ARFIP1: variants seen among roughly 807,000 people sequenced by gnomAD.
ARFIP1 encodes arfaptin-1.
A neutral mutation model predicts 42.5 loss-of-function variants in ARFIP1; 24 were observed. The ratio of observed to expected loss-of-function variants is 0.57; its 90% CI spans 0.41 to 0.80. The LOEUF is 0.80. Among genes scored for constraint, ARFIP1 ranks in the 30% least tolerant of loss-of-function variants. The probability of loss-of-function intolerance (pLI) is 0.00; values close to 1 mark genes in which losing one functional copy is unlikely to be tolerated. For missense variants in ARFIP1, 354 were observed against 434.0 expected (o/e 0.82, Z 1.64); for synonymous variants, 141 against 153.7 (o/e 0.92, Z 0.61).
intron 1 of ARFIP1, among the ~76,000 whole-genome samples, chr4:152,793,628 A>G (rs1731262835): frequency 6.6e-6 from 1 of 152,154 alleles, no homozygotes; most frequent in South Asian, 2.1e-4. Context: ...AATAAAATAG[A>G]ACAATTATAA....
At chr4:152,814,097 C>CTTCT (rs1561116468) in intron 1 of ARFIP1, among the ~76,000 whole-genome samples, 1 of 110,882 alleles carries the variant, frequency 9.0e-6, no homozygotes, top group African/African-American at 3.3e-5. Flanking sequence ...TCTTCTTCTT[C>CTTCT]TTTTTTTTTT....
At chr4:152,833,341 T>C in intron 2 of ARFIP1, among the ~76,000 whole-genome samples, 1 of 151,986 alleles carries the variant, frequency 6.6e-6, no homozygotes, top group East Asian at 1.9e-4. Context: ...CAGTGAGATA[T>C]CAGTTCATAC....
At position 152,882,769 on chromosome 4, in the gene ARFIP1, A is replaced by C; in HGVS notation, c.680A>C (p.Asn227Thr). 6.2e-7 allele frequency: 1 copy of C among 1,613,550 alleles called. No individual in the cohort carries two copies. Among genetic ancestry groups the C allele is most frequent in the Non-Finnish European group, 8.5e-7 (1 of 1,179,642 alleles). The change falls in exon 7 of 9, where the codon AAT becomes ACT. Residue 227 changes from asparagine (N) to threonine (T), a missense_variant. By Grantham distance (65) the Asn-to-Thr change is moderately conservative (BLOSUM62 0). Coordinates refer to ENST00000353617, the MANE Select transcript of ARFIP1 (RefSeq NM_001025595.3). ...GATACCCAGAAACTGCTGGCTAAAA[A>C]TGGAGAGACTCTTCTTGGGGCCATT... is the stretch of plus-strand genomic sequence containing the variant. ...NADTQKLLAK[N>T]GETLLGAINF...
At chr4:152,786,518 C>T (rs558129859) in intron 1 of ARFIP1, among the ~76,000 whole-genome samples, 1 of 152,288 alleles carries the variant, frequency 6.6e-6, no homozygotes, top group South Asian at 2.1e-4. Context: ...TTGAATTTTT[C>T]TATTTCTTCC....
intron 1 of ARFIP1, among the ~76,000 whole-genome samples, chr4:152,792,015 A>G (rs1382494034): frequency 1.3e-5 from 2 of 152,196 alleles, no homozygotes; most frequent in Non-Finnish European, 2.9e-5. Flanking sequence ...AAAGATGGGC[A>G]TATTCCAGTA....
Position 152,849,510 on chromosome 4 carries a change from C to T in ARFIP1, c.94-14096C>T, listed in dbSNP as rs142475906. Among the ~76,000 whole-genome samples the T allele has an allele frequency of 5.1e-3, 780 of 152,224 alleles. 13 individuals carry two copies. The highest frequency in any genetic ancestry group is 0.025 in the Admixed American group (383 of 15,278). On this transcript the variant is annotated intron_variant, in intron 2 of 8. Coordinates refer to ENST00000353617, the MANE Select transcript of ARFIP1 (RefSeq NM_001025595.3). Reference sequence around the variant, plus strand: ...AGTATTTCTTTGATGCAAGTTGGTACATGATTCAAGCTTTTGAACTACTTA... The same window carrying T: ...AGTATTTCTTTGATGCAAGTTGGTATATGATTCAAGCTTTTGAACTACTTA...
intron 1 of ARFIP1, among the ~76,000 whole-genome samples, chr4:152,805,465 C>T (rs1404290924): frequency 6.6e-6 from 1 of 152,202 alleles, no homozygotes; most frequent in African/African-American, 2.4e-5. Flanking sequence ...GTTTGCACTG[C>T]CAATACCTGT....
chr4:152,866,361 C>G (rs1734339893), intron 3 of ARFIP1, among the ~76,000 whole-genome samples: 1 of 152,262 alleles, frequency 6.6e-6, no homozygotes, highest in African/African-American at 2.4e-5. Context: ...GTCATCATGG[C>G]CCGTTCCCAG....
intron 2 of ARFIP1, among the ~76,000 whole-genome samples, chr4:152,840,054 G>T (rs1486273774): frequency 6.6e-6 from 1 of 152,188 alleles, no homozygotes; most frequent in Non-Finnish European, 1.5e-5. Context: ...TATTTGCATG[G>T]TATCAAAGGT....
Position 152,793,007 on chromosome 4 carries a change from A to G in ARFIP1, c.-10+12781A>G, listed in dbSNP as rs1037004970. On this transcript the variant is annotated intron_variant, in intron 1 of 8. Transcript: ENST00000353617. ...ACTTAATGACATTTTGGCCTCCAAT[A>G]TAACTGGTTTGTGAGGGCTGAACAT... Among the ~76,000 whole-genome samples, 9 of 152,122 alleles carry G rather than the reference A, an allele frequency of 5.9e-5. No homozygotes were observed. The South Asian group carries it at 1.9e-3, about 31-fold the overall frequency.
intron 1 of ARFIP1, among the ~76,000 whole-genome samples, chr4:152,821,631 A>C (rs898695653): frequency 1.3e-5 from 2 of 152,194 alleles, no homozygotes; most frequent in African/African-American, 4.8e-5. Context: ...CAAATAAAAG[A>C]AGCTTAAAGA....
intron 1 of ARFIP1, chr4:152,796,862 A>T: frequency 2.0e-6 from 1 of 506,864 alleles, no homozygotes; most frequent in Non-Finnish European, 3.5e-6. Flanking sequence ...ACCCAGAAGC[A>T]GCCCTTGGGG....
Position 152,910,793 on chromosome 4 carries a change from G to A in ARFIP1, c.*574G>A, listed in dbSNP as rs1396472798. ...CAAATACCTTTTTAAAAATGAATCTGTACCACTGTAATTTTATTTAGACTT... is the reference window on the plus strand; with the variant it reads ...CAAATACCTTTTTAAAAATGAATCTATACCACTGTAATTTTATTTAGACTT... On this transcript the variant is annotated 3_prime_UTR_variant, in exon 9 of 9. Transcript: ENST00000353617. 2.0e-5 allele frequency: 3 copies of A among 152,304 alleles called. No individual in the cohort carries two copies. The highest frequency in any genetic ancestry group is 1.9e-4 in the East Asian group (1 of 5,188). 9.4% of individuals were successfully genotyped at this position (152,304 alleles called of 1,614,324 possible).
At chr4:152,802,991 A>C (rs1363295151) in intron 1 of ARFIP1, among the ~76,000 whole-genome samples, 3 of 152,212 alleles carry the variant, frequency 2.0e-5, no homozygotes, top group African/African-American at 7.2e-5. Flanking sequence ...TTGGGCAGCT[A>C]CAGAAAAGGC....
chr4:152,829,436 A>G (rs982221190), intron 1 of ARFIP1, among the ~76,000 whole-genome samples, 189 bp from the exon 2 acceptor site: 4 of 152,194 alleles, frequency 2.6e-5, no homozygotes, highest in Admixed American at 2.0e-4. Flanking sequence ...TAAGAAGTTT[A>G]GGTTAAGTGA....
intron 3 of ARFIP1, among the ~76,000 whole-genome samples, chr4:152,864,012 T>G (rs1018925486): frequency 1.3e-5 from 2 of 152,206 alleles, no homozygotes; most frequent in Admixed American, 6.5e-5. Context: ...TTTTAACTTG[T>G]AACCATGAAA....
intron 2 of ARFIP1, among the ~76,000 whole-genome samples, chr4:152,832,007 A>G (rs1731283553): frequency 6.7e-6 from 1 of 149,812 alleles, no homozygotes; most frequent in South Asian, 2.2e-4. Flanking sequence ...CACAGTTTGT[A>G]TATCCATTCT....
At chr4:152,806,691 A>G (rs532028523) in intron 1 of ARFIP1, among the ~76,000 whole-genome samples, 5 of 152,062 alleles carry the variant, frequency 3.3e-5, no homozygotes, top group African/African-American at 7.2e-5. Context: ...TCTTCCCTAC[A>G]TTACTTGTCT....
Position 152,888,229 on chromosome 4 carries a change from C to T in ARFIP1, c.888C>T (p.Leu296=). Residue 296 remains leucine (L), a synonymous_variant, in exon 8 of 9, where the codon CTC becomes CTT. Coordinates refer to ENST00000353617, the MANE Select transcript of ARFIP1 (RefSeq NM_001025595.3). ...TLPKIEQSQH[L]FQAHKEKYDK... Reference sequence around the variant, plus strand: ...CAAAGATTGAGCAGTCACAGCATCTCTTCCAAGCACATAAGGAAAAATATG... The same window carrying T: ...CAAAGATTGAGCAGTCACAGCATCTTTTCCAAGCACATAAGGAAAAATATG... 6.2e-7 allele frequency: 1 copy of T among 1,611,478 alleles called. No homozygotes were observed. The highest frequency in any genetic ancestry group is 8.5e-7 in the Non-Finnish European group (1 of 1,178,760).
Sources: allele counts gnomAD v4.1 joint callset (sites outside exome capture counted in the v4.1 genomes callset), GRCh38; gene constraint gnomAD v4.1.1; transcripts MANE v1.5; gene names NCBI Gene and HGNC (gene_info 2026-07-23, HGNC 2026-07-21).